Variants in TNFRSF19 observed in about 807,000 individuals in gnomAD.
The protein encoded by TNFRSF19 is TNF receptor superfamily member 19, also known as tumor necrosis factor receptor superfamily member 19.
Under a neutral mutation model 46.4 loss-of-function variants are expected in TNFRSF19, and 27 were observed. That is an observed-to-expected ratio of 0.58 (90% CI 0.43 to 0.80). The LOEUF is 0.80. Ranked by LOEUF, TNFRSF19 falls within the 30% of genes least tolerant of loss-of-function variation. The pLI, the probability that TNFRSF19 is intolerant of heterozygous loss-of-function variation, is 0.00. For missense variants in TNFRSF19, 511 were observed against 530.8 expected (o/e 0.96, Z 0.37); for synonymous variants, 204 against 205.0 (o/e 1.00, Z 0.04).
intron 5 of TNFRSF19, among the ~76,000 whole-genome samples, chr13:23,649,308 C>G (rs529727350): frequency 1.3e-5 from 2 of 152,160 alleles, no homozygotes; most frequent in African/African-American, 4.8e-5. Context: ...TTATGTGTTT[C>G]TAGGAATTTT....
chr13:23,616,459 A>G (rs896900083), intron 4 of TNFRSF19, among the ~76,000 whole-genome samples: 2 of 152,222 alleles, frequency 1.3e-5, no homozygotes, highest in African/African-American at 4.8e-5. Context: ...CATTCAGCAG[A>G]GACGTGCCCA....
At chr13:23,594,107 C>T in intron 3 of TNFRSF19, 2 of 349,944 alleles carry the variant, frequency 5.7e-6, no homozygotes, top group Non-Finnish European at 1.1e-5. Flanking sequence ...GTGCAACCCA[C>T]AGACCAGGAG....
In TNFRSF19 at chr13:23,636,989, A is replaced by G. The variant is rs190066713; in HGVS notation, c.445+10197A>G. 3.7e-4 allele frequency among the ~76,000 whole-genome samples: 57 copies of G among 152,320 alleles called. 1 individual carries two copies. Among genetic ancestry groups the G allele is most frequent in the African/African-American group, 1.4e-3 (57 of 41,570 alleles). On this transcript the variant is annotated intron_variant, in intron 5 of 9. Transcript: ENST00000248484. Reference sequence around the variant, plus strand: ...TTACTAGTTATGTGTTAATAATATTATAATATTTGCTATGTTTTGTTTGCC... The same window carrying G: ...TTACTAGTTATGTGTTAATAATATTGTAATATTTGCTATGTTTTGTTTGCC...
chr13:23,593,461 T>C lies in TNFRSF19; in HGVS notation c.180+6T>C. 1 of 1,580,306 alleles carries C rather than the reference T, an allele frequency of 6.3e-7. No individual in the cohort carries two copies. Among genetic ancestry groups the C allele is most frequent in the Non-Finnish European group, 8.6e-7 (1 of 1,161,204 alleles). Reference sequence around the variant, plus strand: ...CAGGCATGGAGTTGTCTAAGGTATATTGGATACATGGCAAAGTTGTGTATC... The same window carrying C: ...CAGGCATGGAGTTGTCTAAGGTATACTGGATACATGGCAAAGTTGTGTATC... On this transcript the variant is annotated splice_donor_region_variant and intron_variant, in intron 3 of 9. Coordinates refer to ENST00000248484, the MANE Select transcript of TNFRSF19 (RefSeq NM_148957.4).
intron 4 of TNFRSF19, among the ~76,000 whole-genome samples, chr13:23,618,035 G>A (rs1441009912): frequency 1.3e-5 from 2 of 152,192 alleles, no homozygotes; most frequent in African/African-American, 4.8e-5. Context: ...AAATAGACTA[G>A]TGGGTCCCAC....
At chr13:23,646,952 A>G (rs1363379466) in intron 5 of TNFRSF19, among the ~76,000 whole-genome samples, 2 of 152,110 alleles carry the variant, frequency 1.3e-5, no homozygotes, top group East Asian at 3.9e-4. Context: ...AAAACTTGTT[A>G]TTTTCTATTT....
chr13:23,664,046 G>T (rs1951577547), intron 7 of TNFRSF19, among the ~76,000 whole-genome samples: 2 of 151,974 alleles, frequency 1.3e-5, no homozygotes, highest in African/African-American at 2.4e-5. Context: ...GGCTTTAGGG[G>T]TGAGGTAATT....
intron 3 of TNFRSF19, among the ~76,000 whole-genome samples, chr13:23,607,496 GC>G: frequency 6.6e-6 from 1 of 152,200 alleles, no homozygotes; most frequent in Admixed American, 6.5e-5. Flanking sequence ...AAGTCTCAGG[GC>G]CCTTTTTGAC....
intron 3 of TNFRSF19, among the ~76,000 whole-genome samples, chr13:23,602,211 A>T (rs1880208100): frequency 6.6e-6 from 1 of 152,180 alleles, no homozygotes. Flanking sequence ...GAAGAGCAGG[A>T]GTAGCTATAT....
At chr13:23,634,931 G>A (rs1882581345) in intron 5 of TNFRSF19, among the ~76,000 whole-genome samples, 1 of 151,992 alleles carries the variant, frequency 6.6e-6, no homozygotes, top group African/African-American at 2.4e-5. Context: ...TTTTGAGAAG[G>A]GAAAAAAGAA....
At chr13:23,654,898 A>C (rs1174109307) in intron 5 of TNFRSF19, among the ~76,000 whole-genome samples, 1 of 152,184 alleles carries the variant, frequency 6.6e-6, no homozygotes, top group Admixed American at 6.5e-5. Flanking sequence ...TGTCTACAGA[A>C]GCTAGTGTCC....
chr13:23,599,528 G>A (rs1399069370), intron 3 of TNFRSF19, among the ~76,000 whole-genome samples: 2 of 152,128 alleles, frequency 1.3e-5, no homozygotes, highest in African/African-American at 2.4e-5. Context: ...TGGGAGTGGG[G>A]AGCAGGTAGG....
chr13:23,657,548 G>A (rs552340535), intron 5 of TNFRSF19, among the ~76,000 whole-genome samples: 25 of 151,954 alleles, frequency 1.6e-4, no homozygotes, highest in African/African-American at 5.3e-4. Flanking sequence ...AAACCACACC[G>A]GATTTTAAAA....
chr13:23,616,387 G>T (rs1881293943), intron 4 of TNFRSF19, among the ~76,000 whole-genome samples: 1 of 152,152 alleles, frequency 6.6e-6, no homozygotes, highest in African/African-American at 2.4e-5. Context: ...CATGTGACTG[G>T]CAATCCTCTG....
intron 2 of TNFRSF19, among the ~76,000 whole-genome samples, chr13:23,591,250 C>G (rs1232185964): frequency 6.6e-6 from 1 of 152,016 alleles, no homozygotes; most frequent in Non-Finnish European, 1.5e-5. Context: ...GTGAGGAGTT[C>G]AATACCAGCT....
At chr13:23,606,107 A>G (rs1452648622) in intron 3 of TNFRSF19, among the ~76,000 whole-genome samples, 1 of 152,260 alleles carries the variant, frequency 6.6e-6, no homozygotes, top group South Asian at 2.1e-4. Context: ...GAACCTAAAA[A>G]CTGCTGTAAA....
intron 2 of TNFRSF19, among the ~76,000 whole-genome samples, chr13:23,590,734 T>C (rs974285621): frequency 6.6e-6 from 1 of 152,256 alleles, no homozygotes; most frequent in Non-Finnish European, 1.5e-5. Flanking sequence ...AGATTGCTGC[T>C]CATTCATGAT....
intron 3 of TNFRSF19, among the ~76,000 whole-genome samples, chr13:23,609,204 G>A (rs977624029): frequency 7.9e-5 from 12 of 152,130 alleles, no homozygotes; most frequent in African/African-American, 2.4e-4. Context: ...CTCCACTACA[G>A]GATTTCGATT....
intron 1 of TNFRSF19, among the ~76,000 whole-genome samples, chr13:23,573,119 C>T (rs1373515144): frequency 6.6e-6 from 1 of 152,222 alleles, no homozygotes; most frequent in Non-Finnish European, 1.5e-5. Flanking sequence ...TTAACAAGGT[C>T]ACATGGCTGA....
Sources: allele counts gnomAD v4.1 joint callset (sites outside exome capture counted in the v4.1 genomes callset), GRCh38; gene constraint gnomAD v4.1.1; transcripts MANE v1.5; gene names NCBI Gene and HGNC (gene_info 2026-07-23, HGNC 2026-07-21).